Variants in KAT6B observed in about 807,000 individuals in gnomAD.
KAT6B encodes histone acetyltransferase KAT6B.
A neutral mutation model predicts 187.5 loss-of-function variants in KAT6B; 10 were observed. The observed-to-expected ratio is 0.05, with a 90% confidence interval of 0.03 to 0.09. KAT6B has a LOEUF of 0.09. Among genes scored for constraint, KAT6B ranks in the 10% least tolerant of loss-of-function variants. KAT6B has a pLI of 1.00. For missense variants in KAT6B, 1,952 were observed against 2,558.9 expected, an observed-to-expected ratio of 0.76 and a Z score of 5.12; for synonymous variants, 861 against 926.8, an observed-to-expected ratio of 0.93 and a Z score of 1.29.
intron 13 of KAT6B, among the ~76,000 whole-genome samples, chr10:75,005,510 G>A (rs923033615): frequency 2.0e-4 from 30 of 152,054 alleles, no homozygotes; most frequent in Admixed American, 3.3e-4. Flanking sequence ...GAGCCACCAC[G>A]CCTGGCCCTA....
chr10:74,922,752 G>C (rs1015317337), intron 3 of KAT6B, among the ~76,000 whole-genome samples: 12 of 152,154 alleles, frequency 7.9e-5, no homozygotes, highest in African/African-American at 2.9e-4. Flanking sequence ...GGTATTACAG[G>C]CCCCATGGTA....
Position 74,972,491 on chromosome 10 carries a change from A to G in KAT6B, c.929-16A>G. ...TGAAACATTAAAATATTTTTCTCAT[A>G]TATATATTAATTCAGGGATGTGGAT... is the stretch of plus-strand genomic sequence containing the variant. On this transcript the variant is annotated splice_polypyrimidine_tract_variant and intron_variant, in intron 6 of 17. Coordinates refer to ENST00000287239, the MANE Select transcript of KAT6B (RefSeq NM_012330.4). The G allele has an allele frequency of 1.3e-6, 2 of 1,528,538 alleles. No individual in the cohort carries two copies. The highest frequency in any genetic ancestry group is 1.8e-6 in the Non-Finnish European group (2 of 1,108,938). 94.7% of individuals were successfully genotyped at this position (1,528,538 alleles called of 1,614,324 possible). A position where few individuals can be genotyped will look rare whatever the true frequency, so the allele number is the denominator to read the frequency against.
intron 13 of KAT6B, among the ~76,000 whole-genome samples, chr10:75,018,924 G>A (rs775875871): frequency 2.0e-5 from 3 of 152,178 alleles, no homozygotes; most frequent in African/African-American, 7.2e-5. Context: ...TCCTGGGTAC[G>A]TTTCTCAGCA....
chr10:74,941,208 A>G (rs1849646188), intron 3 of KAT6B, among the ~76,000 whole-genome samples: 1 of 152,226 alleles, frequency 6.6e-6, no homozygotes, highest in South Asian at 2.1e-4. Context: ...CATGTGGCAT[A>G]TCACCAGGCT....
At chr10:74,933,670 A>G (rs1849036266) in intron 3 of KAT6B, among the ~76,000 whole-genome samples, 1 of 152,202 alleles carries the variant, frequency 6.6e-6, no homozygotes, top group Non-Finnish European at 1.5e-5. Flanking sequence ...TTGGAACAAT[A>G]TGCTCATATG....
intron 13 of KAT6B, among the ~76,000 whole-genome samples, chr10:74,997,340 A>G (rs1278243886): frequency 5.9e-5 from 9 of 151,842 alleles, no homozygotes; most frequent in Non-Finnish European, 1.2e-4. Context: ...TGGCCACGAC[A>G]TTGCTGACAT....
chr10:74,887,694 T>C (rs1051088983), intron 3 of KAT6B, among the ~76,000 whole-genome samples: 9 of 152,082 alleles, frequency 5.9e-5, no homozygotes, highest in Admixed American at 4.6e-4. Flanking sequence ...TGGGTTAGGC[T>C]TCTGGCTTTG....
intron 13 of KAT6B, among the ~76,000 whole-genome samples, chr10:74,996,953 A>C (rs1165113966): frequency 6.6e-6 from 1 of 152,088 alleles, no homozygotes; most frequent in Non-Finnish European, 1.5e-5. Context: ...CATAATGAGA[A>C]AGATGTTTGA....
intron 13 of KAT6B, among the ~76,000 whole-genome samples, chr10:75,001,944 C>G (rs945616661): frequency 6.6e-6 from 1 of 152,148 alleles, no homozygotes; most frequent in Non-Finnish European, 1.5e-5. Context: ...ATGGCTTACC[C>G]TCAGGAGCTG....
rs571325192 is a variant in KAT6B at position 74,841,564 on chromosome 10, CA to C, written c.-258-1024del. 3.7e-3 allele frequency among the ~76,000 whole-genome samples: 531 copies of C among 142,880 alleles called. 3 individuals are homozygous for C. The highest frequency in any genetic ancestry group is 0.014 in the Middle Eastern group (4 of 282). 93.7% of individuals were successfully genotyped at this position (142,880 alleles called of 152,430 possible). ...TGGGTGACAGAGCGAGACTCTATCT[CA>C]AAAAAAAAAAATTAATAAAAAAAAT... On this transcript the variant is annotated intron_variant, in intron 2 of 17. Transcript: ENST00000287239.
chr10:74,945,953 A>G (rs747518368), intron 3 of KAT6B, among the ~76,000 whole-genome samples: 2 of 152,250 alleles, frequency 1.3e-5, no homozygotes, highest in South Asian at 2.1e-4. Flanking sequence ...TGCTGGCTTC[A>G]TAAAACCAAT....
intron 3 of KAT6B, among the ~76,000 whole-genome samples, chr10:74,948,666 A>G (rs765809999): frequency 6.6e-6 from 1 of 152,244 alleles, no homozygotes; most frequent in Non-Finnish European, 1.5e-5. Flanking sequence ...GCAACTGCAG[A>G]AGCTCCTAGC....
intron 3 of KAT6B, among the ~76,000 whole-genome samples, chr10:74,914,064 T>C (rs1847456217): frequency 1.3e-5 from 2 of 152,048 alleles, no homozygotes; most frequent in Non-Finnish European, 2.9e-5. Context: ...CGGGCACCTG[T>C]AGTCCCAGCT....
intron 3 of KAT6B, among the ~76,000 whole-genome samples, chr10:74,933,411 GT>G (rs1256289888): frequency 1.3e-5 from 2 of 152,274 alleles, no homozygotes; most frequent in East Asian, 3.9e-4. Context: ...TGCCTGATGG[GT>G]TTTGAGTTTG....
chr10:74,934,434 C>T (rs1333268726), intron 3 of KAT6B, among the ~76,000 whole-genome samples: 3 of 152,252 alleles, frequency 2.0e-5, no homozygotes, highest in Admixed American at 2.0e-4. Context: ...CCTTTCCTTG[C>T]CTTCTCTTCC....
intron 3 of KAT6B, among the ~76,000 whole-genome samples, chr10:74,882,821 A>G (rs538166006): frequency 6.6e-6 from 1 of 152,354 alleles, no homozygotes; most frequent in East Asian, 1.9e-4. Context: ...CTCTTTAAAC[A>G]TCTTTTCTGA....
chr10:74,882,819 A>G (rs945073824), intron 3 of KAT6B, among the ~76,000 whole-genome samples: 1 of 152,218 alleles, frequency 6.6e-6, no homozygotes, highest in Non-Finnish European at 1.5e-5. Context: ...TGCTCTTTAA[A>G]CATCTTTTCT....
intron 3 of KAT6B, among the ~76,000 whole-genome samples, chr10:74,858,189 A>C (rs987274691): frequency 6.6e-6 from 1 of 151,636 alleles, no homozygotes; most frequent in Non-Finnish European, 1.5e-5. Flanking sequence ...TCTTGCCTCC[A>C]CTTCATGTCC....
chr10:74,969,824 G>T (rs1229749794), intron 5 of KAT6B, 49 bp downstream of exon 5: 1 of 1,333,348 alleles, frequency 7.5e-7, no homozygotes, highest in Non-Finnish European at 1.1e-6. Context: ...CTAATTTCCA[G>T]TGTTAAGGTG....
Sources: allele counts gnomAD v4.1 joint callset (sites outside exome capture counted in the v4.1 genomes callset), GRCh38; gene constraint gnomAD v4.1.1; transcripts MANE v1.5; gene names NCBI Gene and HGNC (gene_info 2026-07-23, HGNC 2026-07-21).